The following LHFPL2 variants were observed in gnomAD, a reference collection of about 807,000 sequenced individuals.
The protein encoded by LHFPL2 is LHFPL tetraspan subfamily member 2 protein.
A neutral mutation model predicts 17.5 loss-of-function variants in LHFPL2; 7 were observed. That is an observed-to-expected ratio of 0.40 (90% CI 0.23 to 0.75). LHFPL2 has a LOEUF of 0.75. Among genes scored for constraint, LHFPL2 ranks in the 30% least tolerant of loss-of-function variants. The pLI is 0.37. For missense variants in LHFPL2, 241 were observed against 294.8 expected (o/e 0.82, Z 1.34); for synonymous variants, 134 against 116.2 (o/e 1.15, Z -0.99).
chr5:78,575,155 C>A (rs1340163431), intron 2 of LHFPL2, among the ~76,000 whole-genome samples: 1 of 152,162 alleles, frequency 6.6e-6, no homozygotes, highest in Non-Finnish European at 1.5e-5. Flanking sequence ...GCAACCCCCA[C>A]AGGGCAGCAG....
At chr5:78,573,419 C>T (rs1757052981) in intron 2 of LHFPL2, among the ~76,000 whole-genome samples, 1 of 152,168 alleles carries the variant, frequency 6.6e-6, no homozygotes, top group East Asian at 1.9e-4. Context: ...TATAGCTTAG[C>T]TAAAAATAAC....
rs145962677 is a variant in LHFPL2, at chr5:78,495,179, A to G, written c.431-6026T>C. Among the ~76,000 whole-genome samples, 6 of 152,334 alleles carry G rather than the reference A, an allele frequency of 3.9e-5. No homozygotes were observed. The East Asian group carries it at 1.2e-3, about 29-fold the overall frequency. On this transcript the variant is annotated intron_variant, in intron 4 of 4. Coordinates refer to ENST00000380345, the MANE Select transcript of LHFPL2 (RefSeq NM_005779.3). The stretch of plus-strand genomic sequence containing the variant: ...CTGAAGGTGACCATGTCAGTCTCAC[A>G]GTGAGGGATGCTAGGAATGGAGGAG...
At chr5:78,528,385 G>A (rs1755681869) in intron 3 of LHFPL2, among the ~76,000 whole-genome samples, 1 of 152,152 alleles carries the variant, frequency 6.6e-6, no homozygotes, top group Non-Finnish European at 1.5e-5. Context: ...ATTCTCATAG[G>A]AGCACAAACC....
At chr5:78,516,462 G>A (rs1313995581) in intron 3 of LHFPL2, among the ~76,000 whole-genome samples, 2 of 152,158 alleles carry the variant, frequency 1.3e-5, no homozygotes, top group Non-Finnish European at 2.9e-5. Flanking sequence ...GGGGGTAGGG[G>A]TGTGTGCTAC....
chr5:78,583,813 A>T (rs1449174675), intron 2 of LHFPL2, among the ~76,000 whole-genome samples: 2 of 148,602 alleles, frequency 1.3e-5, no homozygotes, highest in Non-Finnish European at 3.0e-5. Context: ...GTATTTCCTG[A>T]ATCTGAATGT....
chr5:78,511,009 GAATA>G (rs1324417086), intron 3 of LHFPL2, among the ~76,000 whole-genome samples: 1 of 151,656 alleles, frequency 6.6e-6, no homozygotes, highest in African/African-American at 2.4e-5. Flanking sequence ...ACATGTAAAA[GAATA>G]AACAAAACAT....
At chr5:78,561,230 A>G (rs567568792) in intron 3 of LHFPL2, among the ~76,000 whole-genome samples, 6 of 152,364 alleles carry the variant, frequency 3.9e-5, no homozygotes, top group Admixed American at 3.9e-4. Flanking sequence ...AACATACTTA[A>G]ACATTTTCCA....
intron 3 of LHFPL2, among the ~76,000 whole-genome samples, chr5:78,528,814 C>A (rs1413520742): frequency 6.6e-6 from 1 of 152,180 alleles, no homozygotes; most frequent in African/African-American, 2.4e-5. Flanking sequence ...ATAGAGCATT[C>A]CCTTCAACAC....
At chr5:78,517,882 C>T (rs764160276) in intron 3 of LHFPL2, among the ~76,000 whole-genome samples, 4 of 152,278 alleles carry the variant, frequency 2.6e-5, no homozygotes, top group East Asian at 1.9e-4. Flanking sequence ...AGCCCACTTG[C>T]GTATTTTATG....
chr5:78,536,365 C>A (rs894853454), intron 3 of LHFPL2, among the ~76,000 whole-genome samples: 4 of 152,166 alleles, frequency 2.6e-5, no homozygotes, highest in African/African-American at 7.2e-5. Flanking sequence ...TTACTCTTTG[C>A]CTCTGGGATA....
At chr5:78,536,730 C>T (rs1042210426) in intron 3 of LHFPL2, among the ~76,000 whole-genome samples, 1 of 152,168 alleles carries the variant, frequency 6.6e-6, no homozygotes, top group Non-Finnish European at 1.5e-5. Context: ...AGATTCTACC[C>T]AGCCATATGC....
intron 4 of LHFPL2, among the ~76,000 whole-genome samples, chr5:78,496,463 T>C (rs555772736): frequency 6.6e-6 from 1 of 152,314 alleles, no homozygotes; most frequent in African/African-American, 2.4e-5. Flanking sequence ...TCTTATAACA[T>C]TTTTCTGAAA....
rs1189190173 is a variant in LHFPL2, at chr5:78,487,486, C to CCAT, written c.*1408_*1410dup. 3.3e-5 allele frequency: 5 copies of CCAT among 152,202 alleles called. No individual in the cohort carries two copies. The highest frequency in any genetic ancestry group is 7.3e-5 in the Non-Finnish European group (5 of 68,036). The allele number at this position is 152,202 out of a possible 1,614,324, so 9.4% of individuals were successfully genotyped here. ...TTCTCCTTCCAGAAATCTGGCAGTT[C>CCAT]CATCTCACTTTCTTAAAGTGCTAAG... On this transcript the variant is annotated 3_prime_UTR_variant, in exon 5 of 5. Coordinates refer to ENST00000380345, the MANE Select transcript of LHFPL2 (RefSeq NM_005779.3).
At chr5:78,575,795 A>G (rs560637257) in intron 2 of LHFPL2, among the ~76,000 whole-genome samples, 3 of 152,350 alleles carry the variant, frequency 2.0e-5, no homozygotes, top group South Asian at 4.1e-4. Context: ...AGATAGTGTA[A>G]TTTAGTTTCT....
At chr5:78,559,984 A>G (rs1277275317) in intron 3 of LHFPL2, among the ~76,000 whole-genome samples, 2 of 152,218 alleles carry the variant, frequency 1.3e-5, no homozygotes, top group Middle Eastern at 3.2e-3. Context: ...GAAAAATACA[A>G]CAATGGCGAT....
intron 4 of LHFPL2, chr5:78,494,376 A>T (rs1484010667): frequency 1.0e-6 from 1 of 985,272 alleles, no homozygotes; most frequent in African/African-American, 1.7e-5. Context: ...GCGATGGCTC[A>T]ACTTGACAGA....
intron 3 of LHFPL2, among the ~76,000 whole-genome samples, chr5:78,516,306 T>C (rs548493354): frequency 1.3e-5 from 2 of 152,322 alleles, no homozygotes; most frequent in Admixed American, 1.3e-4. Context: ...GCTCAACTTC[T>C]GATCGACTCC....
chr5:78,608,768 A>G (rs1488104376), intron 2 of LHFPL2, among the ~76,000 whole-genome samples: 1 of 151,786 alleles, frequency 6.6e-6, no homozygotes, highest in Non-Finnish European at 1.5e-5. Context: ...CCATCTCTAC[A>G]AAAAATACAA....
At chr5:78,498,853 T>C (rs1292025733) in intron 4 of LHFPL2, among the ~76,000 whole-genome samples, 1 of 152,214 alleles carries the variant, frequency 6.6e-6, no homozygotes, top group African/African-American at 2.4e-5. Flanking sequence ...AAAACAGAAG[T>C]CTTACTGTGA....
Sources: allele counts gnomAD v4.1 joint callset (sites outside exome capture counted in the v4.1 genomes callset), GRCh38; gene constraint gnomAD v4.1.1; transcripts MANE v1.5; gene names NCBI Gene and HGNC (gene_info 2026-07-23, HGNC 2026-07-21).